The following BFSP2 variants were observed in gnomAD, a reference collection of about 807,000 sequenced individuals.
The protein encoded by BFSP2 is phakinin.
In BFSP2, 38 loss-of-function variants were observed where a neutral mutation model predicts 44.9. The observed-to-expected ratio is 0.85, with a 90% CI of 0.65 to 1.11. BFSP2 has a LOEUF of 1.11. Among genes scored for constraint, BFSP2 ranks in the 50% least tolerant of loss-of-function variants. The pLI is 0.00. For missense variants in BFSP2, 525 were observed against 533.0 expected, an observed-to-expected ratio of 0.99 and a Z score of 0.15; for synonymous variants, 197 against 209.9, an observed-to-expected ratio of 0.94 and a Z score of 0.53.
At chr3:133,449,521 TTTGTTTG>T (rs1331016886) in intron 3 of BFSP2, among the ~76,000 whole-genome samples, 10 of 151,888 alleles carry the variant, frequency 6.6e-5, no homozygotes, top group African/African-American at 2.4e-4. Context: ...TGTTTGTTTG[TTTGTTTG>T]TTTGTTTTAT....
chr3:133,400,066 AC>A lies in BFSP2; in HGVS notation c.-17del. 1 of 1,614,164 alleles carries A rather than the reference AC, an allele frequency of 6.2e-7. No homozygotes were observed. Among genetic ancestry groups the A allele is most frequent in the African/African-American group, 1.3e-5 (1 of 75,066 alleles). On this transcript the variant is annotated 5_prime_UTR_variant, in exon 1 of 7. Transcript: ENST00000302334. The surrounding 1 kb of genome is among the most constrained non-coding windows in gnomAD (Gnocchi z 4.0). ...GGACTCTGTAAACCCACTGGGCACCACAGAGGCAGAAGGGGTGATGAGTGAG... is the reference window on the plus strand; with the variant it reads ...GGACTCTGTAAACCCACTGGGCACCAAGAGGCAGAAGGGGTGATGAGTGAG...
intron 1 of BFSP2, among the ~76,000 whole-genome samples, chr3:133,446,230 G>C (rs2073895373): frequency 6.6e-6 from 1 of 152,040 alleles, no homozygotes; most frequent in African/African-American, 2.4e-5. Flanking sequence ...AGACCAGCCT[G>C]GCCAACATGG....
chr3:133,414,654 CTCACTCCCCT>C (rs2073492850), intron 1 of BFSP2, among the ~76,000 whole-genome samples: 1 of 91,046 alleles, frequency 1.1e-5, no homozygotes, highest in African/African-American at 4.5e-5. Context: ...TCACCGCTGT[CTCACTCCCCT>C]CTACTCACTC....
intron 1 of BFSP2, among the ~76,000 whole-genome samples, chr3:133,417,858 AC>A (rs143445103): frequency 0.015 from 663 of 44,940 alleles, 33 homozygotes; most frequent in African/African-American, 0.061. Context: ...TCTCCCCTCT[AC>A]TCACCTCTGT....
chr3:133,415,409 CCT>C (rs1230779287), intron 1 of BFSP2, among the ~76,000 whole-genome samples: 9 of 131,316 alleles, frequency 6.9e-5, no homozygotes, highest in African/African-American at 2.2e-4. Context: ...TCTACTCACC[CCT>C]GTCCTCTCCC....
intron 4 of BFSP2, among the ~76,000 whole-genome samples, chr3:133,460,876 G>C (rs568084993): frequency 1.2e-4 from 18 of 152,344 alleles, no homozygotes; most frequent in Non-Finnish European, 2.2e-4. Flanking sequence ...TTGATCACCA[G>C]TTGCAAAAAC....
intron 1 of BFSP2, among the ~76,000 whole-genome samples, chr3:133,430,250 T>A (rs373491843): frequency 0.055 from 8,311 of 152,130 alleles, 236 homozygotes; most frequent in African/African-American, 0.07. Context: ...GCATGATTTA[T>A]AATCCTTTGG....
chr3:133,410,767 G>A, intron 1 of BFSP2: 1 of 213,918 alleles, frequency 4.7e-6, no homozygotes. Flanking sequence ...CATGGTGACA[G>A]CACAAATGAG....
At position 133,400,245 on chromosome 3, in the gene BFSP2, C is replaced by T. The variant is rs112142146; in HGVS notation, c.162C>T (p.Pro54=). ...CCATGAGTGGCCTTGTCCGAGCACC[C>T]GGGGTCTATGTAGGAACAGCACCCA... ...TNAMSGLVRA[P]GVYVGTAPSG... The change falls in exon 1 of 7, where the codon CCC becomes CCT. Residue 54 remains proline, a synonymous_variant. Transcript: ENST00000302334. This position sits in a 1 kb window ranked among gnomAD's most constrained non-coding sequence, Gnocchi z 4.0. 3,097 of 1,613,918 alleles carry T rather than the reference C, an allele frequency of 1.9e-3. 49 individuals carry two copies. In the African/African-American group the frequency reaches 0.035, roughly 18 times the overall value.
intron 1 of BFSP2, among the ~76,000 whole-genome samples, chr3:133,422,054 C>G (rs576086544): frequency 7.2e-6 from 1 of 139,002 alleles, no homozygotes; most frequent in African/African-American, 2.9e-5. Flanking sequence ...TTGCAGTGAG[C>G]CAAGATAGCG....
chr3:133,467,668 C>T (rs1308885897), intron 5 of BFSP2, among the ~76,000 whole-genome samples: 2 of 152,076 alleles, frequency 1.3e-5, no homozygotes, highest in African/African-American at 2.4e-5. Context: ...ATGAAGCAAT[C>T]CACCCTCTGA....
At chr3:133,425,671 A>G (rs1290314996) in intron 1 of BFSP2, among the ~76,000 whole-genome samples, 1 of 151,804 alleles carries the variant, frequency 6.6e-6, no homozygotes, top group Non-Finnish European at 1.5e-5. Context: ...AGGATGCTGA[A>G]GTCAGTTCCG....
At chr3:133,444,709 C>T (rs920878342) in intron 1 of BFSP2, among the ~76,000 whole-genome samples, 7 of 152,118 alleles carry the variant, frequency 4.6e-5, no homozygotes, top group African/African-American at 1.4e-4. Context: ...CACAAAGAAC[C>T]GACTGTTCTA....
rs774268027 is a variant in BFSP2 at position 133,400,131 on chromosome 3, C to T, written c.48C>T (p.Ser16=). The T allele has an allele frequency of 6.2e-7, 1 of 1,614,160 alleles. No individual in the cohort carries two copies. The highest frequency in any genetic ancestry group is 1.1e-5 in the South Asian group (1 of 91,088). Residue 16 remains serine, a synonymous_variant, in exon 1 of 7, where the codon TCC becomes TCT. Transcript: ENST00000302334. This position sits in a 1 kb window ranked among gnomAD's most constrained non-coding sequence, Gnocchi z 4.0. ...VVVDLPTSAS[S]SMPLQRRRAS... ...TGGACTTGCCCACCAGTGCCAGCTC[C>T]AGCATGCCCCTCCAGAGGCGCAGGG...
chr3:133,414,243 CCT>C lies in BFSP2; in HGVS notation c.489+13672_489+13673del, dbSNP rs151032579. Among the ~76,000 whole-genome samples the C allele has an allele frequency of 1.2e-3, 111 of 90,842 alleles. 3 individuals are homozygous for C. Among genetic ancestry groups the C allele is most frequent in the African/African-American group, 5.1e-3 (98 of 19,084 alleles). The allele number at this position is 90,842 out of a possible 152,430, so 59.6% of individuals were successfully genotyped here. ...CCCTCCACAAAACCCAGTACTCACCCCTGTCCTGTCCCCCCTACTCACCCCGT... is the reference window on the plus strand; with the variant it reads ...CCCTCCACAAAACCCAGTACTCACCCGTCCTGTCCCCCCTACTCACCCCGT... On this transcript the variant is annotated intron_variant, in intron 1 of 6. Transcript: ENST00000302334.
intron 6 of BFSP2, among the ~76,000 whole-genome samples, chr3:133,473,649 TG>T (rs1279250878): frequency 6.7e-6 from 1 of 150,094 alleles, no homozygotes; most frequent in Non-Finnish European, 1.5e-5. Context: ...GATTAGGGAG[TG>T]GTGATGACTC....
At chr3:133,432,058 A>G (rs1242724406) in intron 1 of BFSP2, among the ~76,000 whole-genome samples, 2 of 152,116 alleles carry the variant, frequency 1.3e-5, no homozygotes, top group East Asian at 1.9e-4. Context: ...TCACATGCCC[A>G]TCACCATCCC....
At chr3:133,447,529 A>T in intron 2 of BFSP2, 130 bp downstream of exon 2, 1 of 954,650 alleles carries the variant, frequency 1.0e-6, no homozygotes, top group South Asian at 1.6e-5. Context: ...TAACAGAGCC[A>T]TGATTATCCA....
intron 1 of BFSP2, 91 bp from the exon 2 acceptor site, chr3:133,447,226 C>G (rs1453172567): frequency 1.5e-6 from 2 of 1,360,864 alleles, no homozygotes; most frequent in Non-Finnish European, 2.1e-6. Flanking sequence ...TGAGGTCCCC[C>G]AGAGCCTCTG....
Sources: gnomAD v4.1 joint callset for allele counts (sites outside exome capture counted in the v4.1 genomes callset) on GRCh38, gnomAD v4.1.1 for gene constraint, Gnocchi (gnomAD v3.1) non-coding constraint, MANE v1.5 for transcripts, NCBI Gene and HGNC (gene_info 2026-07-23, HGNC 2026-07-21) for gene names.